The following BTRC variants were observed in gnomAD, a reference collection of about 807,000 sequenced individuals.
BTRC encodes the protein F-box/WD repeat-containing protein 1A.
A neutral mutation model predicts 85.5 loss-of-function variants in BTRC; 42 were observed. That is an observed-to-expected ratio of 0.49 (90% CI 0.38 to 0.64). The LOEUF (loss-of-function observed/expected upper bound fraction) is 0.64. BTRC is among the 30% of genes least tolerant of loss of function. The pLI is 0.00. For missense variants in BTRC, 594 were observed against 743.5 expected, an observed-to-expected ratio of 0.80 and a Z score of 2.34; for synonymous variants, 255 against 263.3, an observed-to-expected ratio of 0.97 and a Z score of 0.30.
At chr10:101,420,801 C>T (rs922498365) in intron 1 of BTRC, among the ~76,000 whole-genome samples, 5 of 151,826 alleles carry the variant, frequency 3.3e-5, no homozygotes, top group Non-Finnish European at 7.4e-5. Flanking sequence ...CCTGTACTCA[C>T]CTATTGAACT....
intron 5 of BTRC, among the ~76,000 whole-genome samples, chr10:101,523,309 G>A (rs1292119085): frequency 4.6e-5 from 7 of 152,066 alleles, no homozygotes; most frequent in Non-Finnish European, 1.5e-5. Context: ...GCCTTGTTGT[G>A]GTGTTAAATA....
chr10:101,391,817 A>T (rs1402501787), intron 1 of BTRC, among the ~76,000 whole-genome samples: 1 of 152,210 alleles, frequency 6.6e-6, no homozygotes, highest in Non-Finnish European at 1.5e-5. Context: ...ATAAATAAGT[A>T]AATATATATG....
At chr10:101,393,924 A>G (rs1267197961) in intron 1 of BTRC, among the ~76,000 whole-genome samples, 1 of 152,208 alleles carries the variant, frequency 6.6e-6, no homozygotes, top group Admixed American at 6.5e-5. Context: ...GAGAAAACTA[A>G]TCTTTCAAAC....
intron 2 of BTRC, among the ~76,000 whole-genome samples, chr10:101,445,730 A>G (rs932636156): frequency 1.3e-5 from 2 of 152,180 alleles, no homozygotes; most frequent in Admixed American, 6.5e-5. Flanking sequence ...TAATTGATAA[A>G]CCAGATAAGA....
At chr10:101,465,514 C>G (rs1327027178) in intron 3 of BTRC, among the ~76,000 whole-genome samples, 1 of 152,030 alleles carries the variant, frequency 6.6e-6, no homozygotes, top group Non-Finnish European at 1.5e-5. Context: ...ATTTGAATAG[C>G]CTGATGTCTA....
At position 101,461,999 on chromosome 10, in the gene BTRC, G is replaced by T. The variant is rs1209073608; in HGVS notation, c.175G>T (p.Asp59Tyr). 1.2e-6 allele frequency: 2 copies of T among 1,611,174 alleles called. No individual in the cohort carries two copies. Among genetic ancestry groups the T allele is most frequent in the South Asian group, 1.1e-5 (1 of 90,900 alleles). ...TAFQNSSEREDCNNGEPPRKI... is the reference protein window; with the variant it reads ...TAFQNSSEREYCNNGEPPRKI... ...TTCACAGAATTCCTCAGAGAGAGAA[G>T]ACTGTAATAATGGCGAACCCCCTAG... Residue 59 changes from aspartate (D) to tyrosine (Y), a missense_variant, in exon 3 of 15, where the codon GAC becomes TAC. Physicochemically the swap from Asp to Tyr is radical, Grantham distance 160 (BLOSUM62 -3). Around this residue, in one of 4 missense-constraint regions of BTRC, gnomAD observed 163 missense variants for 180.5 expected, o/e 0.90. Transcript: ENST00000370187.
At chr10:101,470,992 C>T (rs1945509871) in intron 3 of BTRC, among the ~76,000 whole-genome samples, 1 of 152,122 alleles carries the variant, frequency 6.6e-6, no homozygotes, top group Non-Finnish European at 1.5e-5. Flanking sequence ...GTGACAGTGC[C>T]TAAGGTACTG....
chr10:101,535,295 C>A, intron 10 of BTRC, 59 bp from the exon 11 acceptor site: 2 of 1,289,998 alleles, frequency 1.6e-6, no homozygotes, highest in Non-Finnish European at 2.2e-6. Flanking sequence ...ACTCCATTTG[C>A]CATAGATTTT....
intron 1 of BTRC, among the ~76,000 whole-genome samples, chr10:101,384,989 G>C (rs1943028583): frequency 6.6e-6 from 1 of 152,144 alleles, no homozygotes; most frequent in African/African-American, 2.4e-5. Flanking sequence ...TTGGGAGGCT[G>C]AGGTGGGAGG....
intron 1 of BTRC, among the ~76,000 whole-genome samples, chr10:101,410,910 CTT>C (rs974527800): frequency 1.3e-5 from 2 of 150,524 alleles, no homozygotes; most frequent in Non-Finnish European, 3.0e-5. Context: ...AACACTGTAA[CTT>C]ATTATTTTTG....
chr10:101,354,151 C>A, upstream of BTRC: 10 of 1,548,084 alleles, frequency 6.5e-6, no homozygotes, highest in African/African-American at 1.4e-5. Flanking sequence ...GCGGCCCCGG[C>A]GGAGAGCGGA....
chr10:101,401,246 TA>T (rs1461222979), intron 1 of BTRC, among the ~76,000 whole-genome samples: 2 of 152,198 alleles, frequency 1.3e-5, no homozygotes, highest in African/African-American at 4.8e-5. Context: ...TAATCAGAGG[TA>T]AATTGCAGTT....
intron 4 of BTRC, among the ~76,000 whole-genome samples, chr10:101,518,145 C>A (rs2062049181): frequency 6.6e-6 from 1 of 152,006 alleles, no homozygotes; most frequent in African/African-American, 2.4e-5. Flanking sequence ...ATCTCCTGAC[C>A]TCGTGATCCG....
intron 2 of BTRC, among the ~76,000 whole-genome samples, chr10:101,437,380 G>A (rs1944558925): frequency 6.6e-6 from 1 of 152,082 alleles, no homozygotes. Context: ...AGTGTCCTTT[G>A]ATCTGAAATG....
At chr10:101,496,850 GA>G (rs1384614353) in intron 4 of BTRC, among the ~76,000 whole-genome samples, 2 of 152,058 alleles carry the variant, frequency 1.3e-5, no homozygotes, top group Non-Finnish European at 2.9e-5. Context: ...TTATTTGTCT[GA>G]TGTATGTATT....
intron 2 of BTRC, among the ~76,000 whole-genome samples, chr10:101,459,792 A>ACC (rs1212152734): frequency 6.6e-6 from 1 of 152,146 alleles, no homozygotes; most frequent in Non-Finnish European, 1.5e-5. Context: ...AAATCTGATA[A>ACC]AATAGAGGGT....
intron 1 of BTRC, among the ~76,000 whole-genome samples, chr10:101,429,318 A>C (rs1944337572): frequency 1.3e-5 from 2 of 152,200 alleles, no homozygotes; most frequent in South Asian, 4.1e-4. Context: ...ACAAAGCTGT[A>C]GCTGCAATAA....
At chr10:101,450,864 CGTT>C (rs1460242015) in intron 2 of BTRC, among the ~76,000 whole-genome samples, 3 of 152,114 alleles carry the variant, frequency 2.0e-5, no homozygotes, top group Non-Finnish European at 2.9e-5. Flanking sequence ...TGCTGCATGA[CGTT>C]GTGTAAATTC....
chr10:101,509,199 C>T (rs1482585131), intron 4 of BTRC, among the ~76,000 whole-genome samples: 1 of 143,886 alleles, frequency 6.9e-6, no homozygotes, highest in African/African-American at 2.6e-5. Context: ...AAAGTGTAAA[C>T]AATCCTATTT....
Sources: allele counts gnomAD v4.1 joint callset (sites outside exome capture counted in the v4.1 genomes callset), GRCh38; gene constraint gnomAD v4.1.1; regional missense constraint gnomAD v4.1.1; transcripts MANE v1.5; gene names NCBI Gene and HGNC (gene_info 2026-07-23, HGNC 2026-07-21).